Variants in HCRTR2 observed in about 807,000 individuals in gnomAD.
The protein encoded by HCRTR2 is hypocretin receptor 2, also known as orexin receptor type 2.
HCRTR2 carries 22 observed loss-of-function variants against 49.0 expected under a neutral mutation model. The observed-to-expected ratio is 0.45, with a 90% CI of 0.32 to 0.64. The LOEUF is 0.64. Ranked by LOEUF, HCRTR2 falls within the 30% of genes least tolerant of loss-of-function variation. HCRTR2 has a pLI of 0.04. For synonymous variants in HCRTR2, 236 were observed against 205.3 expected (o/e 1.15, Z -1.28); for missense variants, 491 against 559.4 (o/e 0.88, Z 1.23).
upstream of HCRTR2, chr6:55,174,324 G>A (rs1337503087): frequency 2.0e-6 from 1 of 511,708 alleles, no homozygotes; most frequent in African/African-American, 1.9e-5. Context: ...TGGTGTCATT[G>A]CTGCAGCCTC....
rs1473143718 is a variant in HCRTR2 at position 55,277,419 on chromosome 6, C to T, written c.802C>T (p.Pro268Ser). ...ATCTGTAGTTCAGAGAAAATGGAAG[C>T]CCCTGCAGCCTGTTTCACAGCCTCG... ...TSSVVQRKWK[P>S]LQPVSQPRGP... Residue 268 changes from proline (P) to serine (S), a missense_variant, in exon 5 of 7, where the codon CCC (proline) becomes TCC (serine). Transcript: ENST00000370862. 2 of 1,614,054 alleles carry T rather than the reference C, an allele frequency of 1.2e-6. No individual in the cohort carries two copies. Among genetic ancestry groups the T allele is most frequent in the African/African-American group, 1.3e-5 (1 of 75,054 alleles).
chr6:55,239,989 C>T (rs1339025287), intron 1 of HCRTR2, among the ~76,000 whole-genome samples: 1 of 151,828 alleles, frequency 6.6e-6, no homozygotes, highest in Non-Finnish European at 1.5e-5. Context: ...GTTGGCCAGG[C>T]CGGTCTTGAA....
chr6:55,224,626 T>TA (rs112507038), intron 1 of HCRTR2, among the ~76,000 whole-genome samples: 41,493 of 142,234 alleles, frequency 0.29, 6,109 homozygotes, highest in African/African-American at 0.38. Context: ...CCGTCTCAGT[T>TA]AAAAAAAAAA....
chr6:55,249,226 T>C (rs1204858710), intron 2 of HCRTR2, among the ~76,000 whole-genome samples: 1 of 152,122 alleles, frequency 6.6e-6, no homozygotes, highest in Non-Finnish European at 1.5e-5. Context: ...CCCAAACCAA[T>C]TATTGATCTT....
chr6:55,213,750 A>C (rs139878169), intron 1 of HCRTR2, among the ~76,000 whole-genome samples: 1 of 152,224 alleles, frequency 6.6e-6, no homozygotes, highest in African/African-American at 2.4e-5. Context: ...TGCTCAAAGG[A>C]CTAGCTTCCG....
chr6:55,177,581 C>T (rs1213139516), intron 1 of HCRTR2, among the ~76,000 whole-genome samples: 2 of 152,126 alleles, frequency 1.3e-5, no homozygotes, highest in African/African-American at 4.8e-5. Context: ...ATCACTGAGC[C>T]TTCAGGTCCA....
Position 55,277,363 on chromosome 6 carries a change from G to C in HCRTR2, c.763-17G>C. On this transcript the variant is annotated splice_polypyrimidine_tract_variant and intron_variant, in intron 4 of 6. Transcript: ENST00000370862. ...CTAAGTCAAATTGCAATAAGGGTCT[G>C]TCTCTTCTCCTTTCAGATCCCTGGA... is the stretch of plus-strand genomic sequence containing the variant. 1 of 1,599,422 alleles carries C rather than the reference G, an allele frequency of 6.3e-7. No homozygotes were observed. The highest frequency in any genetic ancestry group is 8.6e-7 in the Non-Finnish European group (1 of 1,166,810).
chr6:55,194,551 A>C (rs1362637867), intron 1 of HCRTR2, among the ~76,000 whole-genome samples: 1 of 152,124 alleles, frequency 6.6e-6, no homozygotes, highest in Non-Finnish European at 1.5e-5. Flanking sequence ...TGAGATGCTG[A>C]CTAATCCTTA....
chr6:55,185,616 T>C (rs1765204384), intron 1 of HCRTR2, among the ~76,000 whole-genome samples: 1 of 152,204 alleles, frequency 6.6e-6, no homozygotes, highest in Non-Finnish European at 1.5e-5. Flanking sequence ...AGAAAGTATC[T>C]TCCAAACATT....
intron 1 of HCRTR2, among the ~76,000 whole-genome samples, chr6:55,221,817 A>AT (rs1342132553): frequency 6.6e-6 from 1 of 151,924 alleles, no homozygotes; most frequent in East Asian, 1.9e-4. Context: ...CATCTCAAAA[A>AT]AAAAAAAAAT....
In HCRTR2 at chr6:55,282,322, A is replaced by G. The variant is rs1767208389; in HGVS notation, c.1203A>G (p.Thr401=). 3 of 1,613,810 alleles carry G rather than the reference A, an allele frequency of 1.9e-6. No individual in the cohort carries two copies. The East Asian group carries it at 6.7e-5, about 36-fold the overall frequency. The change falls in exon 7 of 7, where the codon ACA becomes ACG. Residue 401 remains threonine, a synonymous_variant. Coordinates refer to ENST00000370862, the MANE Select transcript of HCRTR2 (RefSeq NM_001384272.1). ...GGCTCACCAGGGGACGAACTAGCACAGAGAGCCGGAAGTCCTTGACCACTC... is the reference window on the plus strand; with the variant it reads ...GGCTCACCAGGGGACGAACTAGCACGGAGAGCCGGAAGTCCTTGACCACTC... ...EDRLTRGRTS[T]ESRKSLTTQI...
chr6:55,165,010 C>A (rs1764856635), intron 1 of HCRTR2, among the ~76,000 whole-genome samples: 1 of 152,000 alleles, frequency 6.6e-6, no homozygotes, highest in Admixed American at 6.6e-5. Flanking sequence ...AATTTTGGAG[C>A]TGAAAAATTC....
chr6:55,176,845 G>A (rs556091649), intron 1 of HCRTR2, among the ~76,000 whole-genome samples: 1 of 152,194 alleles, frequency 6.6e-6, no homozygotes, highest in Non-Finnish European at 1.5e-5. Flanking sequence ...GTACAATGAG[G>A]GATTAATGGC....
intron 1 of HCRTR2, among the ~76,000 whole-genome samples, chr6:55,214,702 G>A (rs1472523530): frequency 6.6e-6 from 1 of 151,782 alleles, no homozygotes; most frequent in African/African-American, 2.4e-5. Context: ...AAGACAATGA[G>A]CTTAGAAAAC....
At chr6:55,161,372 G>A (rs971569916) in intron 1 of HCRTR2, among the ~76,000 whole-genome samples, 2 of 152,072 alleles carry the variant, frequency 1.3e-5, no homozygotes, top group African/African-American at 4.8e-5. Context: ...ATGCCCACAC[G>A]AGAAAGTGGG....
intron 1 of HCRTR2, among the ~76,000 whole-genome samples, chr6:55,208,197 G>A (rs972446750): frequency 3.9e-5 from 6 of 152,116 alleles, no homozygotes; most frequent in Middle Eastern, 3.4e-3. Flanking sequence ...TTACTTGGCT[G>A]GGCATGGTGG....
chr6:55,280,264 T>C, intron 5 of HCRTR2, 59 bp from the exon 6 acceptor site: 1 of 1,144,742 alleles, frequency 8.7e-7, no homozygotes, highest in Admixed American at 1.7e-5. Context: ...CCAATAGCCT[T>C]GTTCACCTTT....
intron 1 of HCRTR2, among the ~76,000 whole-genome samples, chr6:55,124,012 T>C (rs1339420028): frequency 2.0e-5 from 3 of 152,128 alleles, no homozygotes; most frequent in Admixed American, 6.6e-5. Context: ...GATTCTTCTC[T>C]CTTTTCTTCT....
chr6:55,175,671 G>T (rs76665517), intron 1 of HCRTR2, among the ~76,000 whole-genome samples: 1 of 151,906 alleles, frequency 6.6e-6, no homozygotes. Context: ...GGGTTTCCTC[G>T]ACCCCTCATC....
Sources: allele counts gnomAD v4.1 joint callset (sites outside exome capture counted in the v4.1 genomes callset), GRCh38; gene constraint gnomAD v4.1.1; transcripts MANE v1.5; gene names NCBI Gene and HGNC (gene_info 2026-07-23, HGNC 2026-07-21).